Variants in NRXN3 observed in about 807,000 individuals in gnomAD.
The protein encoded by NRXN3 is neurexin 3.
A neutral mutation model predicts 137.6 loss-of-function variants in NRXN3; 32 were observed. The ratio of observed to expected loss-of-function variants is 0.23; its 90% CI spans 0.18 to 0.31. The LOEUF (loss-of-function observed/expected upper bound fraction) is 0.31. Among genes scored for constraint, NRXN3 ranks in the 10% least tolerant of loss-of-function variants. NRXN3 has a pLI of 1.00. For synonymous variants in NRXN3, 798 were observed against 784.5 expected, an observed-to-expected ratio of 1.02 and a Z score of -0.29; for missense variants, 1,574 against 2,062.5, an observed-to-expected ratio of 0.76 and a Z score of 4.59.
chr14:79,127,484 G>T (rs1044013912), intron 15 of NRXN3, among the ~76,000 whole-genome samples: 2 of 152,150 alleles, frequency 1.3e-5, no homozygotes, highest in African/African-American at 4.8e-5. Context: ...TCAGATAGTT[G>T]TAGATATGCG....
intron 15 of NRXN3, among the ~76,000 whole-genome samples, chr14:79,071,727 TAGAA>T (rs1313314686): frequency 2.0e-5 from 3 of 152,054 alleles, no homozygotes; most frequent in African/African-American, 7.2e-5. Flanking sequence ...AAAAAATAGT[TAGAA>T]AGAATAAATA....
intron 15 of NRXN3, among the ~76,000 whole-genome samples, chr14:79,347,708 A>G (rs1011773225): frequency 5.3e-5 from 8 of 152,192 alleles, no homozygotes; most frequent in African/African-American, 1.4e-4. Context: ...GGCGTGAGCC[A>G]CCGCACCTGG....
chr14:78,758,917 A>AAAC, intron 8 of NRXN3, among the ~76,000 whole-genome samples: 1 of 152,164 alleles, frequency 6.6e-6, no homozygotes, highest in African/African-American at 2.4e-5. Context: ...AACCCATTTA[A>AAAC]TATTTAGTTT....
intron 8 of NRXN3, among the ~76,000 whole-genome samples, chr14:78,798,506 T>C (rs527518496): frequency 3.3e-5 from 5 of 152,326 alleles, no homozygotes; most frequent in African/African-American, 1.2e-4. Flanking sequence ...TGAGTTTGTA[T>C]GGCTTTTCTA....
At chr14:79,561,102 AGTT>A (rs1350287507) in intron 16 of NRXN3, among the ~76,000 whole-genome samples, 2 of 152,084 alleles carry the variant, frequency 1.3e-5, no homozygotes, top group Non-Finnish European at 2.9e-5. Context: ...TTGCTTTTAG[AGTT>A]GTTGAGCTTT....
At chr14:78,742,760 T>G (rs2098584653) in intron 8 of NRXN3, among the ~76,000 whole-genome samples, 1 of 152,184 alleles carries the variant, frequency 6.6e-6, no homozygotes. Flanking sequence ...GTAATGAAAG[T>G]TTGTATGTAA....
In NRXN3 at chr14:78,929,061, ATTT is replaced by A. The variant is rs2099314306; in HGVS notation, c.2276-28177_2276-28175del. Among the ~76,000 whole-genome samples the A allele has an allele frequency of 2.6e-5, 4 of 151,958 alleles. 1 individual carries two copies. The highest frequency in any genetic ancestry group is 2.6e-4 in the Admixed American group (4 of 15,230). The stretch of plus-strand genomic sequence containing the variant: ...TCTCTGATGCCCAGTGATGACGAGC[ATTT>A]TTTCATGTGTTTTTTGGCTGCATAA... On this transcript the variant is annotated intron_variant, in intron 10 of 20. Transcript: ENST00000335750.
chr14:78,893,043 T>C (rs1463561845), intron 10 of NRXN3, among the ~76,000 whole-genome samples: 1 of 151,836 alleles, frequency 6.6e-6, no homozygotes, highest in Non-Finnish European at 1.5e-5. Context: ...AATAATTCTG[T>C]CCCTACCCCT....
intron 16 of NRXN3, among the ~76,000 whole-genome samples, chr14:79,638,528 G>T (rs1225754019): frequency 1.3e-5 from 2 of 152,196 alleles, no homozygotes; most frequent in Non-Finnish European, 2.9e-5. Context: ...GTTTTCAAAT[G>T]TTGAGAATGA....
In NRXN3 at chr14:79,861,868, C is replaced by T. The variant is rs150091542; in HGVS notation, c.4620C>T (p.Ser1540=). ...VDETRNYISN[S]AQSNGTLMKE... Reference sequence around the variant, plus strand: ...AGACGCGGAACTACATCAGCAACTCCGCCCAGAGCAACGGCACGCTCATGA... The same window carrying T: ...AGACGCGGAACTACATCAGCAACTCTGCCCAGAGCAACGGCACGCTCATGA... Residue 1540 remains serine (S), a synonymous_variant, in exon 21 of 21, where the codon TCC becomes TCT. Transcript: ENST00000335750. This position sits in a 1 kb window ranked among gnomAD's most constrained non-coding sequence, Gnocchi z 5.4. 3.8e-5 allele frequency: 61 copies of T among 1,613,904 alleles called. No individual in the cohort carries two copies. Among genetic ancestry groups the T allele is most frequent in the Middle Eastern group, 3.3e-4 (2 of 6,084 alleles).
intron 4 of NRXN3, among the ~76,000 whole-genome samples, chr14:78,417,184 C>A (rs768381031): frequency 1.6e-4 from 25 of 152,344 alleles, no homozygotes; most frequent in Non-Finnish European, 2.1e-4. Flanking sequence ...GCTTAGCTTA[C>A]AAGGCTCTCC....
chr14:79,601,441 A>G (rs1165658266), intron 16 of NRXN3, among the ~76,000 whole-genome samples: 1 of 152,146 alleles, frequency 6.6e-6, no homozygotes, highest in African/African-American at 2.4e-5. Flanking sequence ...TACCTGACAA[A>G]TATATCCTTC....
At chr14:78,527,970 C>T (rs938903344) in intron 4 of NRXN3, among the ~76,000 whole-genome samples, 10 of 152,128 alleles carry the variant, frequency 6.6e-5, no homozygotes, top group African/African-American at 1.2e-4. Context: ...GGAAGGATAA[C>T]GAGAAGAAAA....
chr14:79,728,220 A>ATCTT (rs937414723), intron 19 of NRXN3, among the ~76,000 whole-genome samples: 2 of 152,322 alleles, frequency 1.3e-5, no homozygotes, highest in African/African-American at 4.8e-5. Flanking sequence ...GCAAAGCAGG[A>ATCTT]TCTTTGTACG....
At chr14:78,886,886 A>G (rs1256720463) in intron 10 of NRXN3, among the ~76,000 whole-genome samples, 2 of 152,118 alleles carry the variant, frequency 1.3e-5, no homozygotes, top group African/African-American at 2.4e-5. Context: ...AAAATTCTCT[A>G]AAGTTTTGCT....
chr14:78,714,682 C>A, intron 7 of NRXN3, 74 bp from the exon 8 acceptor site: 1 of 1,530,918 alleles, frequency 6.5e-7, no homozygotes, highest in Non-Finnish European at 8.9e-7. Flanking sequence ...CTGGGCTCAG[C>A]ACTCACCTGT....
intron 4 of NRXN3, among the ~76,000 whole-genome samples, chr14:78,418,064 G>T (rs899861765): frequency 2.0e-5 from 3 of 152,156 alleles, no homozygotes; most frequent in Non-Finnish European, 4.4e-5. Flanking sequence ...GCCTGAGGTT[G>T]CATATTTAGG....
chr14:78,187,913 A>G (rs1336404785), intron 1 of NRXN3, among the ~76,000 whole-genome samples: 1 of 151,764 alleles, frequency 6.6e-6, no homozygotes, highest in African/African-American at 2.4e-5. Context: ...GGGAGTCCCT[A>G]TGTAGAGTTG....
intron 6 of NRXN3, among the ~76,000 whole-genome samples, chr14:78,674,109 GA>G (rs1368738461): frequency 2.6e-5 from 4 of 152,186 alleles, no homozygotes; most frequent in Non-Finnish European, 5.9e-5. Flanking sequence ...AACTGGGACA[GA>G]AGCAGCTATT....
Sources: gnomAD v4.1 joint callset for allele counts (sites outside exome capture counted in the v4.1 genomes callset) on GRCh38, gnomAD v4.1.1 for gene constraint, Gnocchi (gnomAD v3.1) non-coding constraint, MANE v1.5 for transcripts, NCBI Gene and HGNC (gene_info 2026-07-23, HGNC 2026-07-21) for gene names.